Variants in CDKL1 observed in about 807,000 individuals in gnomAD.
CDKL1 encodes cyclin-dependent kinase-like 1.
A neutral mutation model predicts 42.0 loss-of-function variants in CDKL1; 41 were observed. The ratio of observed to expected loss-of-function variants is 0.98; its 90% CI spans 0.76 to 1.27. The LOEUF is 1.27. CDKL1 is among the 50% of genes most tolerant of loss of function. The probability of loss-of-function intolerance (pLI) is 0.00; values close to 1 mark genes in which losing one functional copy is unlikely to be tolerated. For synonymous variants in CDKL1, 153 were observed against 158.6 expected (o/e 0.96, Z 0.26); for missense variants, 394 against 428.4 (o/e 0.92, Z 0.71).
intron 2 of CDKL1, among the ~76,000 whole-genome samples, chr14:50,392,042 C>T (rs747945612): frequency 5.9e-5 from 9 of 152,204 alleles, no homozygotes; most frequent in Non-Finnish European, 1.3e-4. Context: ...CAGCTCTTGT[C>T]AAGGTCGCCA....
intron 3 of CDKL1, 92 bp downstream of exon 3, chr14:50,358,936 G>A (rs1281119571): frequency 1.1e-5 from 15 of 1,305,460 alleles, no homozygotes; most frequent in East Asian, 2.4e-5. Context: ...CACTGCACCC[G>A]GCCTTACCTA....
chr14:50,375,129 T>C (rs988282528), intron 2 of CDKL1, among the ~76,000 whole-genome samples: 9 of 152,126 alleles, frequency 5.9e-5, no homozygotes, highest in African/African-American at 1.9e-4. Flanking sequence ...TACCCAATTC[T>C]AGAACTTGGG....
intron 2 of CDKL1, among the ~76,000 whole-genome samples, chr14:50,387,533 A>C (rs981897501): frequency 2.0e-5 from 3 of 151,978 alleles, no homozygotes; most frequent in Non-Finnish European, 4.4e-5. Flanking sequence ...CAAAAAAAAA[A>C]AAGACTGAAA....
rs2139354863 is a variant in CDKL1 at position 50,331,779 on chromosome 14, T to G, written c.966+483A>C. 3 of 495,486 alleles carry G rather than the reference T, an allele frequency of 6.1e-6. No individual in the cohort carries two copies. The South Asian group carries it at 9.9e-5, about 16-fold the overall frequency. 30.7% of individuals were successfully genotyped at this position (495,486 alleles called of 1,614,324 possible). On this transcript the variant is annotated intron_variant, in intron 9 of 9. Coordinates refer to ENST00000395834, the MANE Select transcript of CDKL1 (RefSeq NM_004196.7). ...GTTTGGATGCTGTTCTCTGGTTAAA[T>G]GTATTCAGCTGATACCACCAAAAGC... is the stretch of plus-strand genomic sequence containing the variant.
At position 50,396,298 on chromosome 14, in the gene CDKL1, G is replaced by A; in HGVS notation, c.-430C>T. 3.0e-6 allele frequency: 3 copies of A among 1,013,088 alleles called. No individual in the cohort carries two copies. Among genetic ancestry groups the A allele is most frequent in the Non-Finnish European group, 3.5e-6 (3 of 848,332 alleles). 62.8% of individuals were successfully genotyped at this position (1,013,088 alleles called of 1,614,324 possible). ...ATTGGCACCAACGGACTGCACTAGA[G>A]CCCCACCCAACGATGAGTGTTTGTC... is the stretch of plus-strand genomic sequence containing the variant. On this transcript the variant is annotated 5_prime_UTR_variant, in exon 2 of 10. Coordinates refer to ENST00000395834, the MANE Select transcript of CDKL1 (RefSeq NM_004196.7).
chr14:50,345,816 C>G (rs1265742926), intron 3 of CDKL1, among the ~76,000 whole-genome samples: 3 of 152,196 alleles, frequency 2.0e-5, no homozygotes, highest in Admixed American at 1.3e-4. Flanking sequence ...AGCTAAACTT[C>G]AAGCCACTGC....
At chr14:50,334,793 C>T (rs1309754361) in intron 7 of CDKL1, 172 bp from the exon 8 acceptor site, 2 of 557,436 alleles carry the variant, frequency 3.6e-6, no homozygotes, top group Non-Finnish European at 6.3e-6. Flanking sequence ...CACAAGCTTT[C>T]TCTCCCCACC....
intron 2 of CDKL1, among the ~76,000 whole-genome samples, chr14:50,372,050 A>C (rs1440251550): frequency 6.6e-6 from 1 of 152,234 alleles, no homozygotes; most frequent in African/African-American, 2.4e-5. Flanking sequence ...AGGCCAAGGA[A>C]GGGGAACATC....
intron 3 of CDKL1, among the ~76,000 whole-genome samples, chr14:50,353,420 A>G (rs1166906928): frequency 6.6e-6 from 1 of 152,204 alleles, no homozygotes; most frequent in East Asian, 1.9e-4. Flanking sequence ...GACACAGATC[A>G]TCAAACAGTT....
chr14:50,391,027 G>T (rs1368313315), intron 2 of CDKL1, among the ~76,000 whole-genome samples: 1 of 152,066 alleles, frequency 6.6e-6, no homozygotes, highest in South Asian at 2.1e-4. Flanking sequence ...TAGAGATGGG[G>T]TTTCACCACG....
intron 3 of CDKL1, among the ~76,000 whole-genome samples, chr14:50,347,342 T>TAG (rs371500215): frequency 1.0e-3 from 154 of 149,928 alleles, no homozygotes; most frequent in South Asian, 5.0e-3. Flanking sequence ...GTGTTGGATT[T>TAG]AGAGAGAGAG....
chr14:50,338,801 G>C (rs1387091182), intron 7 of CDKL1, 146 bp downstream of exon 7: 3 of 669,034 alleles, frequency 4.5e-6, no homozygotes, highest in Non-Finnish European at 8.3e-6. Context: ...TAAGGCTAAA[G>C]TCTCGCTAGC....
intron 2 of CDKL1, among the ~76,000 whole-genome samples, chr14:50,364,137 T>C (rs1201291112): frequency 6.6e-6 from 1 of 152,214 alleles, no homozygotes; most frequent in Non-Finnish European, 1.5e-5. Flanking sequence ...AACTGTTATA[T>C]TGCACCCACC....
chr14:50,360,134 C>T (rs2034192904), intron 2 of CDKL1, among the ~76,000 whole-genome samples: 1 of 152,132 alleles, frequency 6.6e-6, no homozygotes, highest in Non-Finnish European at 1.5e-5. Context: ...AGATAATTTT[C>T]CATAAGAATT....
chr14:50,356,412 G>A (rs1190253042), intron 3 of CDKL1, among the ~76,000 whole-genome samples: 1 of 152,128 alleles, frequency 6.6e-6, no homozygotes, highest in African/African-American at 2.4e-5. Flanking sequence ...TTTATAGTAT[G>A]ATGTCTCTAA....
At chr14:50,360,756 C>T (rs970440317) in intron 2 of CDKL1, among the ~76,000 whole-genome samples, 2 of 150,130 alleles carry the variant, frequency 1.3e-5, no homozygotes, top group Non-Finnish European at 3.0e-5. Context: ...TAGGTACCTC[C>T]TACAGGTGGA....
chr14:50,354,540 A>C (rs911980190), intron 3 of CDKL1, among the ~76,000 whole-genome samples: 2 of 152,214 alleles, frequency 1.3e-5, no homozygotes, highest in African/African-American at 4.8e-5. Flanking sequence ...TATTTGTAAA[A>C]CTTTGACACA....
chr14:50,353,685 A>T (rs1174837201), intron 3 of CDKL1, among the ~76,000 whole-genome samples: 1 of 152,166 alleles, frequency 6.6e-6, no homozygotes, highest in Non-Finnish European at 1.5e-5. Flanking sequence ...AGCCATTTTT[A>T]AAATATAAAG....
chr14:50,353,576 A>G (rs1034717137), intron 3 of CDKL1, among the ~76,000 whole-genome samples: 6 of 152,222 alleles, frequency 3.9e-5, no homozygotes, highest in Non-Finnish European at 8.8e-5. Context: ...TCACTGTAGC[A>G]TGGTTAGTAA....
Sources: gnomAD v4.1 joint callset for allele counts (sites outside exome capture counted in the v4.1 genomes callset) on GRCh38, gnomAD v4.1.1 for gene constraint, MANE v1.5 for transcripts, NCBI Gene and HGNC (gene_info 2026-07-23, HGNC 2026-07-21) for gene names.